Variants in OR8B2 observed in about 807,000 individuals in gnomAD.
The protein encoded by OR8B2 is olfactory receptor family 8 subfamily B member 2.
For synonymous variants in OR8B2, 98 were observed against 138.2 expected (o/e 0.71, Z 2.04); for missense variants, 304 against 379.6 (o/e 0.80, Z 1.65).
chr11:124,386,714 A>G (rs1860706793), upstream of OR8B2, among the ~76,000 whole-genome samples: 1 of 151,952 alleles, frequency 6.6e-6, no homozygotes, highest in Non-Finnish European at 1.5e-5. Context: ...GCCGCAGTAA[A>G]CATACGTGTG....
At chr11:124,395,653 A>C in the OR8B2 span, 1 of 152,230 alleles carries the variant, frequency 6.6e-6, no homozygotes, top group Admixed American at 6.5e-5. Context: ...ATGCTGTTTT[A>C]GATAGCAATG....
the OR8B2 span, among the ~76,000 whole-genome samples, chr11:124,391,780 GA>G: frequency 6.6e-6 from 1 of 151,860 alleles, no homozygotes; most frequent in Non-Finnish European, 1.5e-5. Context: ...GCATCATCCT[GA>G]TACCAAAGCC....
rs1860630403 is a variant in OR8B2 at position 124,383,129 on chromosome 11, C to T, written c.215G>A (p.Cys72Tyr). The change falls in exon 2 of 2, where the codon TGT becomes TAT. Residue 72 changes from cysteine (C) to tyrosine (Y), a missense_variant. By Grantham distance (194) the Cys-to-Tyr change is radical. Coordinates refer to ENST00000641451, the MANE Select transcript of OR8B2 (RefSeq NM_001005468.2). ...TTTGGGAGTGAAAACAGAGGAGTAACAGAGATCAATGAAGGAGAGATTGAA... is the reference window on the plus strand; with the variant it reads ...TTTGGGAGTGAAAACAGAGGAGTAATAGAGATCAATGAAGGAGAGATTGAA... ...FLFNLSFIDL[C>Y]YSSVFTPKML... 1.9e-6 allele frequency: 3 copies of T among 1,613,708 alleles called. No individual in the cohort carries two copies. The highest frequency in any genetic ancestry group is 2.5e-6 in the Non-Finnish European group (3 of 1,179,828).
At chr11:124,389,428 G>A (rs1312783919), upstream of OR8B2, among the ~76,000 whole-genome samples, 1 of 152,156 alleles carries the variant, frequency 6.6e-6, no homozygotes, top group South Asian at 2.1e-4. Flanking sequence ...CCAAAAATGT[G>A]TGTAAAACTG....
At chr11:124,388,439 A>G (rs1860734031), upstream of OR8B2, among the ~76,000 whole-genome samples, 1 of 152,136 alleles carries the variant, frequency 6.6e-6, no homozygotes, top group South Asian at 2.1e-4. Context: ...CTTTGGGCAA[A>G]GAATACAGAC....
upstream of OR8B2, among the ~76,000 whole-genome samples, chr11:124,386,457 TC>T (rs1215551173): frequency 2.2e-5 from 3 of 135,396 alleles, no homozygotes; most frequent in Admixed American, 8.3e-5. Flanking sequence ...CCTTCCTGTG[TC>T]CATGTGTTCT....
At chr11:124,387,593 G>T (rs9787965), upstream of OR8B2, among the ~76,000 whole-genome samples, 20,066 of 114,220 alleles carry the variant, frequency 0.18, 1 homozygote, top group African/African-American at 0.23. Context: ...ATTTCTGAGG[G>T]CTCTGTTCTG....
rs746587520 is a variant in OR8B2, at chr11:124,383,120, G to A, written c.224C>T (p.Ser75Phe). 3.1e-6 allele frequency: 5 copies of A among 1,613,886 alleles called. No individual in the cohort carries two copies. The Admixed American group carries it at 8.3e-5, about 27-fold the overall frequency. ...CATTAGCATTTTGGGAGTGAAAACA[G>A]AGGAGTAACAGAGATCAATGAAGGA... Reference protein sequence around the residue: ...NLSFIDLCYSSVFTPKMLMNF... With the variant: ...NLSFIDLCYSFVFTPKMLMNF... The change falls in exon 2 of 2, where the codon TCT (serine) becomes TTT (phenylalanine). Residue 75 changes from serine to phenylalanine, a missense_variant. By Grantham distance (155) the Ser-to-Phe change is radical. Transcript: ENST00000641451.
Sources: gnomAD v4.1 joint callset for allele counts (sites outside exome capture counted in the v4.1 genomes callset) on GRCh38, gnomAD v4.1.1 for gene constraint, MANE v1.5 for transcripts, NCBI Gene and HGNC (gene_info 2026-07-23, HGNC 2026-07-21) for gene names.